SMARCC1: variants seen among roughly 807,000 people sequenced by gnomAD.
SMARCC1 encodes the protein SWI/SNF complex subunit SMARCC1.
Under a neutral mutation model 147.4 loss-of-function variants are expected in SMARCC1, and 43 were observed. The ratio of observed to expected loss-of-function variants is 0.29; its 90% CI spans 0.23 to 0.38. SMARCC1 has a LOEUF of 0.38. Among genes scored for constraint, SMARCC1 ranks in the 10% least tolerant of loss-of-function variants. The pLI is 1.00. For synonymous variants in SMARCC1, 495 were observed against 484.4 expected, an observed-to-expected ratio of 1.02 and a Z score of -0.29; for missense variants, 1,119 against 1,381.1, an observed-to-expected ratio of 0.81 and a Z score of 3.01.
chr3:47,613,854 G>A (rs573518464), intron 25 of SMARCC1, among the ~76,000 whole-genome samples: 3 of 151,930 alleles, frequency 2.0e-5, no homozygotes, highest in Non-Finnish European at 4.4e-5. Context: ...TAAAGCAGCC[G>A]TATCCAAGCG....
chr3:47,765,973 T>G (rs2034835561), intron 2 of SMARCC1, among the ~76,000 whole-genome samples: 1 of 152,152 alleles, frequency 6.6e-6, no homozygotes, highest in Admixed American at 6.6e-5. Context: ...CCTCAGGTGA[T>G]CCACCTACCT....
intron 19 of SMARCC1, 161 bp downstream of exon 19, chr3:47,670,496 AT>A: frequency 1.6e-6 from 1 of 613,094 alleles, no homozygotes. Flanking sequence ...AGGTAAGAGG[AT>A]CGCCTGAGCC....
intron 26 of SMARCC1, among the ~76,000 whole-genome samples, chr3:47,608,938 A>G (rs2032522969): frequency 6.6e-6 from 1 of 151,264 alleles, no homozygotes; most frequent in African/African-American, 2.4e-5. Context: ...TGGGGGGGTT[A>G]GAAGGACATA....
chr3:47,632,874 G>A (rs75433945), intron 24 of SMARCC1, among the ~76,000 whole-genome samples: 1,541 of 152,014 alleles, frequency 0.01, 22 homozygotes, highest in African/African-American at 0.035. Context: ...TGCAGCCAGA[G>A]AGAGATAGGG....
At chr3:47,671,436 G>T (rs909725788) in intron 18 of SMARCC1, among the ~76,000 whole-genome samples, 1 of 152,058 alleles carries the variant, frequency 6.6e-6, no homozygotes, top group African/African-American at 2.4e-5. Flanking sequence ...TACTACACAC[G>T]TAAAACACTG....
chr3:47,659,266 AT>A (rs2033306117), intron 21 of SMARCC1, among the ~76,000 whole-genome samples: 1 of 151,024 alleles, frequency 6.6e-6, no homozygotes, highest in African/African-American at 2.4e-5. Context: ...AAAAATAAAA[AT>A]AAATAAATAA....
chr3:47,593,959 G>C (rs910730097), intron 26 of SMARCC1, among the ~76,000 whole-genome samples: 3 of 152,178 alleles, frequency 2.0e-5, no homozygotes, highest in Admixed American at 2.0e-4. Context: ...GAGGTCAGGA[G>C]TTCGTGACCA....
chr3:47,775,536 G>A (rs2034964270), intron 1 of SMARCC1, among the ~76,000 whole-genome samples: 1 of 149,770 alleles, frequency 6.7e-6, no homozygotes, highest in Admixed American at 6.7e-5. Context: ...CACTTTGGGA[G>A]GCCGAGGCGG....
At chr3:47,613,695 CAT>C (rs1432776739) in intron 25 of SMARCC1, among the ~76,000 whole-genome samples, 4 of 152,082 alleles carry the variant, frequency 2.6e-5, no homozygotes, top group African/African-American at 9.7e-5. Flanking sequence ...ATATCACACA[CAT>C]ATGTTTAATA....
intron 6 of SMARCC1, among the ~76,000 whole-genome samples, chr3:47,722,487 G>C (rs536979730): frequency 6.6e-6 from 1 of 151,710 alleles, no homozygotes; most frequent in East Asian, 1.9e-4. Flanking sequence ...AGTAGAGACG[G>C]GGTTTCTCCA....
At chr3:47,781,512 G>T (rs866841548) in intron 1 of SMARCC1, 91 bp downstream of exon 1, 7 of 888,898 alleles carry the variant, frequency 7.9e-6, no homozygotes, top group Admixed American at 4.3e-5. Flanking sequence ...TGGCGTGCGG[G>T]GGGGAGGGGC....
At chr3:47,773,054 C>T in intron 1 of SMARCC1, 118 bp from the exon 2 acceptor site, 1 of 816,448 alleles carries the variant, frequency 1.2e-6, no homozygotes, top group Non-Finnish European at 1.9e-6. Flanking sequence ...ATGTCTGAGA[C>T]ACGCTCTGTG....
At chr3:47,685,893 AAC>A (rs2033716356) in intron 14 of SMARCC1, among the ~76,000 whole-genome samples, 154 bp downstream of exon 14, 1 of 152,012 alleles carries the variant, frequency 6.6e-6, no homozygotes, top group South Asian at 2.1e-4. Flanking sequence ...AAAAAACACA[AAC>A]ACATTCCAAA....
chr3:47,597,479 A>G (rs1054406632), intron 26 of SMARCC1, among the ~76,000 whole-genome samples: 1 of 152,082 alleles, frequency 6.6e-6, no homozygotes, highest in African/African-American at 2.4e-5. Context: ...GGCACCCGCC[A>G]CCACGCCCGG....
intron 15 of SMARCC1, among the ~76,000 whole-genome samples, chr3:47,678,516 A>G (rs893594786): frequency 3.3e-5 from 5 of 152,266 alleles, no homozygotes; most frequent in Admixed American, 2.6e-4. Flanking sequence ...TTATTAATGT[A>G]TAACAACAAG....
chr3:47,650,294 TAATA>T (rs1559634630), intron 21 of SMARCC1, among the ~76,000 whole-genome samples: 1 of 141,434 alleles, frequency 7.1e-6, no homozygotes, highest in Non-Finnish European at 1.5e-5. Context: ...ATAATAATAA[TAATA>T]ATTATTATTA....
intron 25 of SMARCC1, among the ~76,000 whole-genome samples, chr3:47,617,857 G>A (rs142544962): frequency 4.8e-4 from 73 of 152,280 alleles, no homozygotes; most frequent in Admixed American, 9.2e-4. Context: ...GTTGGTCTGT[G>A]ACCAACAGGA....
chr3:47,687,973 C>T (rs1419105183), intron 13 of SMARCC1, among the ~76,000 whole-genome samples: 2 of 152,098 alleles, frequency 1.3e-5, no homozygotes, highest in African/African-American at 2.4e-5. Context: ...TAATAAGTGG[C>T]TCTTGGCTGG....
At chr3:47,699,672 AT>A (rs1196349965) in intron 11 of SMARCC1, among the ~76,000 whole-genome samples, 1 of 152,080 alleles carries the variant, frequency 6.6e-6, no homozygotes, top group Non-Finnish European at 1.5e-5. Context: ...ATCTATGTAT[AT>A]ACATATATAC....
Sources: gnomAD v4.1 joint callset for allele counts (sites outside exome capture counted in the v4.1 genomes callset) on GRCh38, gnomAD v4.1.1 for gene constraint, MANE v1.5 for transcripts, NCBI Gene and HGNC (gene_info 2026-07-23, HGNC 2026-07-21) for gene names.